Variants in GLIS3 observed in about 807,000 individuals in gnomAD.
The protein encoded by GLIS3 is zinc finger protein GLIS3.
A neutral mutation model predicts 78.6 loss-of-function variants in GLIS3; 53 were observed. That is an observed-to-expected ratio of 0.67 (90% CI 0.54 to 0.85). The LOEUF is 0.85. Ranked by LOEUF, GLIS3 falls within the 40% of genes least tolerant of loss-of-function variation. The pLI is 0.00. For synonymous variants in GLIS3, 684 were observed against 509.9 expected (o/e 1.34, Z -4.60); for missense variants, 1,703 against 1,231.1 (o/e 1.38, Z -5.74).
rs116233176 is a variant in GLIS3 at position 3,888,508 on chromosome 9, A to G, written c.2129-8913T>C. 3.7e-3 allele frequency among the ~76,000 whole-genome samples: 568 copies of G among 152,326 alleles called. 3 individuals are homozygous for G. Among genetic ancestry groups the G allele is most frequent in the African/African-American group, 0.013 (543 of 41,582 alleles). ...AGGGATGACCTATCAATCAACTCTG[A>G]ACTCTCTCAAAGAGCCTCTCCCTTT... On this transcript the variant is annotated intron_variant, in intron 7 of 10. Transcript: ENST00000381971.
In GLIS3 at chr9:4,311,230, G is replaced by A. The variant is rs530733060; in HGVS notation, n.265-702C>T. Among the ~76,000 whole-genome samples the A allele has an allele frequency of 6.2e-4, 94 of 152,118 alleles. 1 individual carries two copies. Among genetic ancestry groups the A allele is most frequent in the African/African-American group, 2.0e-3 (85 of 41,492 alleles). On this transcript the variant is annotated intron_variant and non_coding_transcript_variant, in intron 2 of 4. Coordinates refer to the GLIS3 transcript ENST00000471664. ...TCAAGACCAGCCTGGCCAACATGGCGAAACCCCGTCTCTACTAAAAATACA... is the reference window on the plus strand; with the variant it reads ...TCAAGACCAGCCTGGCCAACATGGCAAAACCCCGTCTCTACTAAAAATACA...
At chr9:3,870,732 CATGGGAATT>C (rs1328599893) in intron 8 of GLIS3, among the ~76,000 whole-genome samples, 1 of 152,222 alleles carries the variant, frequency 6.6e-6, no homozygotes, top group African/African-American at 2.4e-5. Context: ...TCCCACAACA[CATGGGAATT>C]ATGGGAATAC....
chr9:4,069,946 C>A (rs1050708467), intron 4 of GLIS3, among the ~76,000 whole-genome samples: 2 of 152,066 alleles, frequency 1.3e-5, no homozygotes, highest in Non-Finnish European at 2.9e-5. Flanking sequence ...CATTCTCCAG[C>A]TGTCCCTGAC....
chr9:3,844,990 A>G (rs1588072630), intron 9 of GLIS3, among the ~76,000 whole-genome samples: 1 of 152,162 alleles, frequency 6.6e-6, no homozygotes, highest in East Asian at 1.9e-4. Flanking sequence ...TACCTATCCA[A>G]CTTTAAAATG....
At chr9:3,903,555 G>A (rs1823463323) in intron 6 of GLIS3, among the ~76,000 whole-genome samples, 1 of 152,172 alleles carries the variant, frequency 6.6e-6, no homozygotes, top group Non-Finnish European at 1.5e-5. Context: ...TTCCAGAGTG[G>A]CTCTGCCCTG....
intron 6 of GLIS3, among the ~76,000 whole-genome samples, chr9:3,913,812 G>T (rs558430932): frequency 6.6e-6 from 1 of 152,106 alleles, no homozygotes; most frequent in African/African-American, 2.4e-5. Context: ...GACAAAAAGG[G>T]CTTTATAAAC....
intron 4 of GLIS3, among the ~76,000 whole-genome samples, chr9:4,084,758 T>C (rs1189553934): frequency 6.6e-6 from 1 of 152,088 alleles, no homozygotes; most frequent in Non-Finnish European, 1.5e-5. Flanking sequence ...CCTAACAAAC[T>C]CCTTGGCTTC....
chr9:3,985,515 C>T (rs867619096), intron 4 of GLIS3, among the ~76,000 whole-genome samples: 2 of 152,178 alleles, frequency 1.3e-5, no homozygotes, highest in African/African-American at 2.4e-5. Context: ...TCATTAATTA[C>T]AAAGCATTGC....
At chr9:4,365,933 T>G in the GLIS3 span, among the ~76,000 whole-genome samples, 2 of 151,982 alleles carry the variant, frequency 1.3e-5, no homozygotes, top group Non-Finnish European at 2.9e-5. Flanking sequence ...CACTCTAGAG[T>G]CTATTCAAAT....
the GLIS3 span, among the ~76,000 whole-genome samples, chr9:4,487,850 GATTATT>G: frequency 1.4e-4 from 21 of 152,100 alleles, no homozygotes; most frequent in African/African-American, 4.8e-4. Flanking sequence ...ATCATGGCCA[GATTATT>G]ATTATTATTA....
intron 8 of GLIS3, among the ~76,000 whole-genome samples, chr9:3,870,160 A>G (rs1370048023): frequency 1.3e-5 from 2 of 152,240 alleles, no homozygotes; most frequent in African/African-American, 4.8e-5. Flanking sequence ...GGCAAGCAAC[A>G]TTACATTCCC....
At chr9:4,258,302 C>G (rs1237013211) in intron 2 of GLIS3, among the ~76,000 whole-genome samples, 1 of 150,874 alleles carries the variant, frequency 6.6e-6, no homozygotes, top group East Asian at 1.9e-4. Context: ...TGAATAAAGT[C>G]TACAGTTTTA....
the GLIS3 span, among the ~76,000 whole-genome samples, chr9:4,445,916 T>C: frequency 6.6e-6 from 1 of 152,238 alleles, no homozygotes; most frequent in African/African-American, 2.4e-5. Context: ...AGAATTTGTC[T>C]CTAGGTAGTT....
intron 4 of GLIS3, among the ~76,000 whole-genome samples, chr9:3,954,441 G>A (rs1816951672): frequency 6.6e-6 from 1 of 152,232 alleles, no homozygotes; most frequent in African/African-American, 2.4e-5. Context: ...TGCAGTAACA[G>A]AATAGCTGCC....
At chr9:4,329,044 C>G (rs10974472) in intron 2 of GLIS3, among the ~76,000 whole-genome samples, 45,822 of 152,120 alleles carry the variant, frequency 0.3, 8,758 homozygotes, top group African/African-American at 0.55. Context: ...TCTCTCAAAT[C>G]TTGCCTGCTT....
Position 3,937,066 on chromosome 9 carries a change from T to A in GLIS3, c.1834A>T (p.Ser612Cys), listed in dbSNP as rs1825939527. 6.2e-7 allele frequency: 1 copy of A among 1,613,616 alleles called. No individual in the cohort carries two copies. The highest frequency in any genetic ancestry group is 2.2e-5 in the East Asian group (1 of 44,882). The part of the protein sequence containing the change: ...PGCQKAFSNS[S>C]DRAKHQRTHL... ...GTCCGCTGGTGTTTGGCGCGGTCAC[T>A]GGAGTTACTGAAGGCCTTCTGACAA... The change falls in exon 5 of 11, where the codon AGT becomes TGT. Residue 612 changes from serine (S) to cysteine (C), a missense_variant. Coordinates refer to ENST00000381971, the MANE Select transcript of GLIS3 (RefSeq NM_001042413.2).
At chr9:4,156,064 G>A (rs1007140510) in intron 2 of GLIS3, among the ~76,000 whole-genome samples, 3 of 151,966 alleles carry the variant, frequency 2.0e-5, no homozygotes, top group South Asian at 2.1e-4. Flanking sequence ...AGGTGGAGAA[G>A]TACATTCAAA....
intron 2 of GLIS3, among the ~76,000 whole-genome samples, chr9:4,283,323 T>C (rs961792855): frequency 7.3e-5 from 11 of 151,228 alleles, no homozygotes; most frequent in Non-Finnish European, 1.5e-4. Context: ...TGGAGTGCAA[T>C]GGCGCAATCT....
intron 2 of GLIS3, among the ~76,000 whole-genome samples, chr9:4,331,213 G>C (rs1302228538): frequency 1.3e-5 from 2 of 152,104 alleles, no homozygotes; most frequent in African/African-American, 2.4e-5. Context: ...GCTTCTAAAG[G>C]TCACAGGCAC....
Sources: allele counts gnomAD v4.1 joint callset (sites outside exome capture counted in the v4.1 genomes callset), GRCh38; gene constraint gnomAD v4.1.1; transcripts MANE v1.5; gene names NCBI Gene and HGNC (gene_info 2026-07-23, HGNC 2026-07-21).